Variants in ABR observed in about 807,000 individuals in gnomAD.
The protein encoded by ABR is ABR activator of RhoGEF and GTPase.
A neutral mutation model predicts 107.2 loss-of-function variants in ABR; 35 were observed. The ratio of observed to expected loss-of-function variants is 0.33; its 90% CI spans 0.25 to 0.43. ABR has a LOEUF of 0.43. Ranked by LOEUF, ABR falls within the 20% of genes least tolerant of loss-of-function variation. The probability of loss-of-function intolerance (pLI) is 1.00; values close to 1 mark genes in which losing one functional copy is unlikely to be tolerated. For missense variants in ABR, 815 were observed against 1,115.2 expected, an observed-to-expected ratio of 0.73 and a Z score of 3.83; for synonymous variants, 498 against 462.0, an observed-to-expected ratio of 1.08 and a Z score of -1.00.
At chr17:1,183,003 A>T (rs1453604383), upstream of ABR, among the ~76,000 whole-genome samples, 1 of 152,154 alleles carries the variant, frequency 6.6e-6, no homozygotes, top group Non-Finnish European at 1.5e-5. Context: ...CATCCCTGGC[A>T]CTGAGGAGTT....
chr17:1,068,676 G>T (rs1279838964), intron 9 of ABR, among the ~76,000 whole-genome samples: 1 of 152,214 alleles, frequency 6.6e-6, no homozygotes, highest in East Asian at 1.9e-4. Flanking sequence ...GTAGAGAGAA[G>T]GAGGCTCAAA....
rs1451154499 is a variant in ABR, at chr17:1,070,313, C to T, written c.895-223G>A. Among the ~76,000 whole-genome samples, 1 of 152,178 alleles carries T rather than the reference C, an allele frequency of 6.6e-6. No individual in the cohort carries two copies. The highest frequency in any genetic ancestry group is 1.5e-5 in the Non-Finnish European group (1 of 68,040). On this transcript the variant is annotated intron_variant, in intron 8 of 22. Transcript: ENST00000302538. This position sits in a 1 kb window ranked among gnomAD's most constrained non-coding sequence, Gnocchi z 4.2. ...TGTGATCTCAGACAGGCTCCCTGAC[C>T]TCTCTGAATCCCAGATTCACCTTCT...
rs1342545872 is a variant in ABR at position 1,200,681 on chromosome 17, G to A, written c.838+28112C>T. Among the ~76,000 whole-genome samples, 1 of 152,134 alleles carries A rather than the reference G, an allele frequency of 6.6e-6. No homozygotes were observed. Among genetic ancestry groups the A allele is most frequent in the Non-Finnish European group, 1.5e-5 (1 of 68,038 alleles). Reference sequence around the variant, plus strand: ...TCACTTTATTCGGGGCCTCCGTGGTGCAGACACAAAGATGGATCCCCAGGT... The same window carrying A: ...TCACTTTATTCGGGGCCTCCGTGGTACAGACACAAAGATGGATCCCCAGGT... On this transcript the variant is annotated intron_variant, in intron 1 of 22. Transcript: ENST00000574139. This position sits in a 1 kb window ranked among gnomAD's most constrained non-coding sequence, Gnocchi z 4.1.
At chr17:1,227,688 G>A (rs933955413) in intron 1 of ABR, among the ~76,000 whole-genome samples, 10 of 152,004 alleles carry the variant, frequency 6.6e-5, no homozygotes, top group Non-Finnish European at 1.0e-4. Context: ...TAAATTCCTG[G>A]TTGCAGCTTG....
chr17:1,085,675 G>A (rs1300753231), intron 4 of ABR, among the ~76,000 whole-genome samples: 2 of 152,128 alleles, frequency 1.3e-5, no homozygotes, highest in Non-Finnish European at 1.5e-5. Flanking sequence ...AAACTGAGAC[G>A]TGCCGGACAT....
chr17:1,067,058 G>C lies in ABR; in HGVS notation c.1182+19C>G. On this transcript the variant is annotated intron_variant, in intron 10 of 22. Coordinates refer to ENST00000302538, the MANE Select transcript of ABR (RefSeq NM_021962.5). ...GCTGGCTCAAAGGGCCCCAGGCTCAGATACCAAGCTCTGCTCACCTCCTTC... is the reference window on the plus strand; with the variant it reads ...GCTGGCTCAAAGGGCCCCAGGCTCACATACCAAGCTCTGCTCACCTCCTTC... 1 of 1,611,216 alleles carries C rather than the reference G, an allele frequency of 6.2e-7. No individual in the cohort carries two copies. The highest frequency in any genetic ancestry group is 8.5e-7 in the Non-Finnish European group (1 of 1,178,542).
At chr17:1,028,618 G>A (rs1457077592) in intron 16 of ABR, among the ~76,000 whole-genome samples, 4 of 152,178 alleles carry the variant, frequency 2.6e-5, no homozygotes, top group East Asian at 1.9e-4. Flanking sequence ...CACAGAACAC[G>A]GGACTCACCG....
chr17:1,196,898 G>C (rs899156295), intron 1 of ABR, among the ~76,000 whole-genome samples: 22 of 151,930 alleles, frequency 1.4e-4, no homozygotes, highest in Admixed American at 5.9e-4. Flanking sequence ...GTTTCACCGT[G>C]TTAGCCAGGA....
chr17:1,062,621 G>T (rs1192310177), intron 10 of ABR, among the ~76,000 whole-genome samples: 1 of 144,508 alleles, frequency 6.9e-6, no homozygotes, highest in African/African-American at 2.5e-5. Context: ...AGACACTGTT[G>T]TTATGTGAAC....
At chr17:1,138,052 C>T (rs1204740710) in intron 1 of ABR, among the ~76,000 whole-genome samples, 1 of 151,800 alleles carries the variant, frequency 6.6e-6, no homozygotes, top group African/African-American at 2.4e-5. Context: ...AGGTGCCCAC[C>T]ACCAACACCC....
chr17:1,147,852 C>T (rs1016173408), intron 1 of ABR, among the ~76,000 whole-genome samples: 4 of 152,230 alleles, frequency 2.6e-5, no homozygotes, highest in African/African-American at 9.6e-5. Flanking sequence ...CCGCCCTTTT[C>T]CCATTCAGGA....
intron 2 of ABR, among the ~76,000 whole-genome samples, chr17:1,116,551 A>C (rs1218516155): frequency 6.6e-6 from 1 of 152,168 alleles, no homozygotes; most frequent in Non-Finnish European, 1.5e-5. Context: ...GAAGATTAAC[A>C]GTATGCAGAG....
At chr17:1,043,314 T>C (rs1454952641) in intron 16 of ABR, among the ~76,000 whole-genome samples, 1 of 152,040 alleles carries the variant, frequency 6.6e-6, no homozygotes, top group Non-Finnish European at 1.5e-5. Flanking sequence ...ACTACAGGCG[T>C]GCACCACCAC....
chr17:1,060,987 G>A (rs1300356016), intron 10 of ABR, among the ~76,000 whole-genome samples: 3 of 151,822 alleles, frequency 2.0e-5, no homozygotes, highest in African/African-American at 7.3e-5. Flanking sequence ...GACAAAGTGA[G>A]ACTCCATCTC....
chr17:1,018,282 T>G (rs887182703), intron 16 of ABR, among the ~76,000 whole-genome samples: 2 of 151,952 alleles, frequency 1.3e-5, no homozygotes, highest in Admixed American at 6.6e-5. Context: ...GACCTCGTGA[T>G]TCGCCCACCT....
rs376873993 is a variant in ABR, at chr17:1,210,943, G to A, written c.838+17850C>T. Among the ~76,000 whole-genome samples the A allele has an allele frequency of 6.6e-6, 1 of 152,192 alleles. No homozygotes were observed. The highest frequency in any genetic ancestry group is 2.4e-5 in the African/African-American group (1 of 41,560). On this transcript the variant is annotated intron_variant, in intron 1 of 22. Coordinates refer to the ABR transcript ENST00000574139. The surrounding 1 kb of genome is among the most constrained non-coding windows in gnomAD (Gnocchi z 5.6). ...CTTGGCAAAGCCTGCCAAACTCTGG[G>A]GTGCTGGACTGGCTGCTGAAAAATC...
At chr17:1,053,564 G>A (rs1453628976) in intron 14 of ABR, among the ~76,000 whole-genome samples, 1 of 152,130 alleles carries the variant, frequency 6.6e-6, no homozygotes, top group Non-Finnish European at 1.5e-5. Flanking sequence ...AAGTCATGGT[G>A]CCTACACCCT....
At chr17:1,146,260 GACACACAC>G (rs60058475) in intron 1 of ABR, among the ~76,000 whole-genome samples, 153 of 140,216 alleles carry the variant, frequency 1.1e-3, no homozygotes, top group African/African-American at 3.5e-3. Context: ...GGCACATGGA[GACACACAC>G]ACACACACAC....
intron 4 of ABR, among the ~76,000 whole-genome samples, chr17:1,086,099 T>C (rs145548107): frequency 1.1e-3 from 165 of 152,194 alleles, no homozygotes; most frequent in African/African-American, 3.9e-3. Context: ...TGAGCCCAGA[T>C]TGCATCACTG....
Sources: allele counts gnomAD v4.1 joint callset (sites outside exome capture counted in the v4.1 genomes callset), GRCh38; gene constraint gnomAD v4.1.1; non-coding constraint Gnocchi (gnomAD v3.1); transcripts MANE v1.5; gene names NCBI Gene and HGNC (gene_info 2026-07-23, HGNC 2026-07-21).